The following ERLEC1 variants were observed in gnomAD, a reference collection of about 807,000 sequenced individuals.
ERLEC1 encodes the protein ER lectin.
In ERLEC1, 47 loss-of-function variants were observed where a neutral mutation model predicts 68.0. The ratio of observed to expected loss-of-function variants is 0.69; its 90% CI spans 0.55 to 0.88. ERLEC1 has a LOEUF of 0.88. Among genes scored for constraint, ERLEC1 ranks in the 40% least tolerant of loss-of-function variants. The pLI, the probability that ERLEC1 is intolerant of heterozygous loss-of-function variation, is 0.00. For synonymous variants in ERLEC1, 225 were observed against 203.2 expected, an observed-to-expected ratio of 1.11 and a Z score of -0.91; for missense variants, 567 against 583.8, an observed-to-expected ratio of 0.97 and a Z score of 0.30.
intron 1 of ERLEC1, among the ~76,000 whole-genome samples, chr2:53,789,247 A>G (rs1021247879): frequency 1.5e-4 from 23 of 151,932 alleles, no homozygotes; most frequent in Middle Eastern, 3.2e-3. Flanking sequence ...CACAAAAATT[A>G]GCTGGGCGTG....
chr2:53,787,130 C>G lies in ERLEC1; in HGVS notation c.-81C>G. 8 of 1,332,334 alleles carry G rather than the reference C, an allele frequency of 6.0e-6. No homozygotes were observed. The highest frequency in any genetic ancestry group is 5.7e-5 in the East Asian group (2 of 35,318). 82.5% of individuals were successfully genotyped at this position (1,332,334 alleles called of 1,614,324 possible). A position where few individuals can be genotyped will look rare whatever the true frequency, so the allele number is the denominator to read the frequency against. On this transcript the variant is annotated 5_prime_UTR_variant, in exon 1 of 14. Transcript: ENST00000185150. ...GGGCGCTTTATAGTCCCGCCGCCTCCTCCTCCACCTCCTCCTCCTCCTCCT... is the reference window on the plus strand; with the variant it reads ...GGGCGCTTTATAGTCCCGCCGCCTCGTCCTCCACCTCCTCCTCCTCCTCCT...
intron 8 of ERLEC1, among the ~76,000 whole-genome samples, chr2:53,803,967 A>T (rs1359167763): frequency 6.6e-6 from 1 of 152,062 alleles, no homozygotes; most frequent in Non-Finnish European, 1.5e-5. Flanking sequence ...CATCTCTACT[A>T]AAAATACAAA....
intron 1 of ERLEC1, among the ~76,000 whole-genome samples, chr2:53,792,053 A>G (rs906688136): frequency 1.3e-5 from 2 of 151,898 alleles, no homozygotes; most frequent in African/African-American, 4.8e-5. Flanking sequence ...CTGGGAGTAC[A>G]GGCGCCCGCC....
chr2:53,788,005 G>C (rs1298602770), intron 1 of ERLEC1, among the ~76,000 whole-genome samples: 1 of 152,162 alleles, frequency 6.6e-6, no homozygotes, highest in Non-Finnish European at 1.5e-5. Context: ...CTTCTATGTT[G>C]AGTTTTCCTG....
In ERLEC1 at chr2:53,812,936, T is replaced by C; in HGVS notation, c.1102-13T>C. ...TCAAGCACGCATTATCACAAATTTTTTTCCCATATTAGGACAAGGATAGTG... is the reference window on the plus strand; with the variant it reads ...TCAAGCACGCATTATCACAAATTTTCTTCCCATATTAGGACAAGGATAGTG... On this transcript the variant is annotated splice_polypyrimidine_tract_variant and intron_variant, in intron 10 of 13. Transcript: ENST00000185150. 1 of 1,597,926 alleles carries C rather than the reference T, an allele frequency of 6.3e-7. No homozygotes were observed. Among genetic ancestry groups the C allele is most frequent in the Non-Finnish European group, 8.5e-7 (1 of 1,176,482 alleles).
intron 10 of ERLEC1, among the ~76,000 whole-genome samples, chr2:53,811,345 A>G (rs747143360): frequency 2.0e-5 from 3 of 152,202 alleles, no homozygotes; most frequent in Non-Finnish European, 4.4e-5. Context: ...GGACATTTCT[A>G]TTAACATACT....
chr2:53,789,882 G>A (rs1489412576), intron 1 of ERLEC1, among the ~76,000 whole-genome samples: 1 of 151,778 alleles, frequency 6.6e-6, no homozygotes, highest in African/African-American at 2.4e-5. Flanking sequence ...AGCCGGGCAT[G>A]GTGGCACATG....
chr2:53,818,024 T>A lies in ERLEC1; in HGVS notation c.*55T>A. On this transcript the variant is annotated 3_prime_UTR_variant, in exon 14 of 14. Transcript: ENST00000185150. The stretch of plus-strand genomic sequence containing the variant: ...TCATTGAAAGTCATGATAATTTCTG[T>A]CCCACTGTGTCTCATTATAGAGTTC... 9.0e-7 allele frequency: 1 copy of A among 1,115,892 alleles called. No homozygotes were observed. The highest frequency in any genetic ancestry group is 1.2e-5 in the South Asian group (1 of 80,614). 69.1% of individuals were successfully genotyped at this position (1,115,892 alleles called of 1,614,324 possible). A position where few individuals can be genotyped will look rare whatever the true frequency, so the allele number is the denominator to read the frequency against.
Position 53,808,451 on chromosome 2 carries a change from C to T in ERLEC1, c.1032C>T (p.Cys344=). The T allele has an allele frequency of 6.2e-7, 1 of 1,613,576 alleles. No homozygotes were observed. Among genetic ancestry groups the T allele is most frequent in the Non-Finnish European group, 8.5e-7 (1 of 1,179,940 alleles). ...LIKEFLSGSY[C]FRGGVGWWKY... ...AAGAGTTTCTTAGTGGTTCTTACTG[C>T]TTTCGTGGGGTGAGAAGTAAATCTT... Residue 344 remains cysteine (C), a synonymous_variant, in exon 9 of 14, where the codon TGC becomes TGT. Transcript: ENST00000185150.
intron 5 of ERLEC1, among the ~76,000 whole-genome samples, chr2:53,798,275 T>C (rs186527931): frequency 3.5e-4 from 54 of 152,226 alleles, no homozygotes; most frequent in African/African-American, 1.3e-3. Context: ...TCACCTTTTT[T>C]TTTTTAGACA....
chr2:53,789,945 G>A (rs971123443), intron 1 of ERLEC1, among the ~76,000 whole-genome samples: 1 of 150,974 alleles, frequency 6.6e-6, no homozygotes, highest in African/African-American at 2.4e-5. Context: ...CTTGAACCTT[G>A]GAGGCAGAAG....
chr2:53,804,989 C>CTTTTT (rs746963770), intron 8 of ERLEC1, among the ~76,000 whole-genome samples: 3 of 98,220 alleles, frequency 3.1e-5, no homozygotes, highest in African/African-American at 7.7e-5. Context: ...GACAGGATCT[C>CTTTTT]TTTTTTTTTT....
At chr2:53,814,009 GA>G (rs1676729488) in intron 11 of ERLEC1, among the ~76,000 whole-genome samples, 1 of 152,108 alleles carries the variant, frequency 6.6e-6, no homozygotes, top group African/African-American at 2.4e-5. Flanking sequence ...TGTTTTATGT[GA>G]AAACAGTTTG....
intron 3 of ERLEC1, 127 bp downstream of exon 3, chr2:53,796,140 A>T: frequency 1.7e-6 from 1 of 584,054 alleles, no homozygotes; most frequent in Non-Finnish European, 2.9e-6. Context: ...TTTTAGGTTT[A>T]GGGTTACCTG....
chr2:53,805,890 G>C (rs1291825599), intron 8 of ERLEC1, among the ~76,000 whole-genome samples: 10 of 152,116 alleles, frequency 6.6e-5, no homozygotes, highest in African/African-American at 2.4e-4. Flanking sequence ...GCTTTTCTCT[G>C]ATGATCAATG....
At chr2:53,810,328 A>T (rs1676524305) in intron 10 of ERLEC1, among the ~76,000 whole-genome samples, 2 of 152,174 alleles carry the variant, frequency 1.3e-5, no homozygotes, top group Non-Finnish European at 2.9e-5. Flanking sequence ...AAAATTTTAA[A>T]AAAAGAAAAT....
At position 53,801,346 on chromosome 2, in the gene ERLEC1, T is replaced by G. The variant is rs750361332; in HGVS notation, c.526-51T>G. On this transcript the variant is annotated intron_variant, in intron 6 of 13. Coordinates refer to ENST00000185150, the MANE Select transcript of ERLEC1 (RefSeq NM_015701.5). ...TAATAAGTTCCTCTCCCACCCCCAG[T>G]CCCATCTCCATGTCTAATGAAAAGT... 3 of 1,386,426 alleles carry G rather than the reference T, an allele frequency of 2.2e-6. No homozygotes were observed. In the Admixed American group the frequency reaches 5.2e-5, roughly 24 times the overall value. 85.9% of individuals were successfully genotyped at this position (1,386,426 alleles called of 1,614,324 possible).
intron 1 of ERLEC1, among the ~76,000 whole-genome samples, chr2:53,787,885 T>G (rs1378490747): frequency 2.0e-5 from 3 of 152,220 alleles, no homozygotes; most frequent in Non-Finnish European, 4.4e-5. Flanking sequence ...CCTTTCCTAG[T>G]TGTTTCTGAG....
chr2:53,787,452 T>A, intron 1 of ERLEC1, 80 bp downstream of exon 1: 1 of 1,494,620 alleles, frequency 6.7e-7, no homozygotes. Context: ...TTTCTTTGCT[T>A]TTTCTCCCCA....
Sources: gnomAD v4.1 joint callset for allele counts (sites outside exome capture counted in the v4.1 genomes callset) on GRCh38, gnomAD v4.1.1 for gene constraint, MANE v1.5 for transcripts, NCBI Gene and HGNC (gene_info 2026-07-23, HGNC 2026-07-21) for gene names.